LRGUK: variants seen among roughly 807,000 people sequenced by gnomAD.
LRGUK encodes the protein leucine-rich repeat and guanylate kinase domain-containing protein.
Under a neutral mutation model 76.0 loss-of-function variants are expected in LRGUK, and 65 were observed. The ratio of observed to expected loss-of-function variants is 0.85; its 90% CI spans 0.70 to 1.05. The LOEUF (loss-of-function observed/expected upper bound fraction) is 1.05, where lower values mean the gene tolerates loss of function less well. LRGUK is among the 50% of genes least tolerant of loss of function. LRGUK has a pLI of 0.00. For missense variants in LRGUK, 758 were observed against 732.8 expected, an observed-to-expected ratio of 1.03 and a Z score of -0.40; for synonymous variants, 268 against 265.6, an observed-to-expected ratio of 1.01 and a Z score of -0.09.
chr7:134,204,979 C>T (rs1298449856), intron 15 of LRGUK, among the ~76,000 whole-genome samples: 1 of 152,174 alleles, frequency 6.6e-6, no homozygotes, highest in Non-Finnish European at 1.5e-5. Flanking sequence ...GTGAGTGTTA[C>T]AGCCCTTAAA....
intron 16 of LRGUK, among the ~76,000 whole-genome samples, chr7:134,246,850 T>A (rs913910781): frequency 1.3e-5 from 2 of 152,252 alleles, no homozygotes; most frequent in African/African-American, 4.8e-5. Context: ...ACTTTATGTA[T>A]TAGGTTTGCT....
At chr7:134,250,699 A>G (rs1362797224) in intron 18 of LRGUK, among the ~76,000 whole-genome samples, 2 of 152,188 alleles carry the variant, frequency 1.3e-5, no homozygotes, top group African/African-American at 2.4e-5. Flanking sequence ...TAGCATTATA[A>G]TTAGTTAATT....
At chr7:134,216,447 T>A (rs690745) in intron 15 of LRGUK, among the ~76,000 whole-genome samples, 69,447 of 152,052 alleles carry the variant, frequency 0.46, 16,606 homozygotes, top group East Asian at 0.72. Context: ...GAGGTTCTTC[T>A]ATGGGCATTC....
At chr7:134,170,365 CT>C (rs1250193226) in intron 7 of LRGUK, among the ~76,000 whole-genome samples, 1 of 151,906 alleles carries the variant, frequency 6.6e-6, no homozygotes, top group African/African-American at 2.4e-5. Flanking sequence ...CTTTTTTCCC[CT>C]GGTTTCTTTC....
At position 134,164,155 on chromosome 7, in the gene LRGUK, A is replaced by AT. The variant is rs1332265487; in HGVS notation, c.939+618dup. Among the ~76,000 whole-genome samples, 28 of 152,334 alleles carry AT rather than the reference A, an allele frequency of 1.8e-4. No homozygotes were observed. In the East Asian group the frequency reaches 5.0e-3, roughly 27 times the overall value. On this transcript the variant is annotated intron_variant, in intron 7 of 15. Coordinates refer to ENST00000645682, the Ensembl canonical transcript of LRGUK. Reference sequence around the variant, plus strand: ...TGTAACACATTTCTTAAATAGCTAGATTTAGCCATCCTACAATGTAACATG... The same window carrying AT: ...TGTAACACATTTCTTAAATAGCTAGATTTTAGCCATCCTACAATGTAACATG...
In LRGUK at chr7:134,247,970, C is replaced by T. The variant is rs78985269; in HGVS notation, c.2072+326C>T. Among the ~76,000 whole-genome samples, 718 of 152,140 alleles carry T rather than the reference C, an allele frequency of 4.7e-3. 3 individuals are homozygous for T. The highest frequency in any genetic ancestry group is 0.016 in the African/African-American group (671 of 41,496). ...TATCCTTTCCCTTGCATGATTGTTT[C>T]GGTTCTTTTTATTGTTTGTAATTTT... is the stretch of plus-strand genomic sequence containing the variant. On this transcript the variant is annotated intron_variant, in intron 17 of 19. Coordinates refer to the LRGUK transcript ENST00000285928.
chr7:134,177,123 G>C (rs187516786), intron 9 of LRGUK, 60 bp downstream of exon 9: 4 of 984,190 alleles, frequency 4.1e-6, no homozygotes, highest in Non-Finnish European at 6.2e-6. Context: ...TCAAAAGCTC[G>C]TGTTGCCTGC....
intron 8 of LRGUK, among the ~76,000 whole-genome samples, chr7:134,176,389 A>T (rs144775673): frequency 1.3e-5 from 2 of 151,138 alleles, no homozygotes; most frequent in East Asian, 1.9e-4. Context: ...ATTAAATTAA[A>T]TTTTTTTTTC....
Position 134,247,418 on chromosome 7 carries a change from AT to A in LRGUK, c.1984-136del, listed in dbSNP as rs1256322943. ...TTTTCTTTTTCCTGAGTGAATATCA[AT>A]TGTTTTTTATGCCTTTTCCCCCTTT... On this transcript the variant is annotated intron_variant, in intron 16 of 19. Coordinates refer to the LRGUK transcript ENST00000285928. The A allele has an allele frequency of 1.5e-5, 8 of 542,604 alleles. No homozygotes were observed. The East Asian group carries it at 2.4e-4, about 16-fold the overall frequency. 33.6% of individuals were successfully genotyped at this position (542,604 alleles called of 1,614,324 possible).
At chr7:134,152,861 A>G (rs1798283063) in intron 5 of LRGUK, among the ~76,000 whole-genome samples, 1 of 152,106 alleles carries the variant, frequency 6.6e-6, no homozygotes, top group Non-Finnish European at 1.5e-5. Flanking sequence ...AAGTTATGGT[A>G]TAGTCACACA....
At chr7:134,255,412 C>T (rs1563201666) in intron 18 of LRGUK, among the ~76,000 whole-genome samples, 2 of 152,140 alleles carry the variant, frequency 1.3e-5, no homozygotes, top group Non-Finnish European at 2.9e-5. Context: ...CCAAAAGGCT[C>T]GAATCTTTGT....
intron 16 of LRGUK, among the ~76,000 whole-genome samples, chr7:134,227,210 A>G (rs1801787024): frequency 1.3e-5 from 2 of 152,106 alleles, no homozygotes; most frequent in African/African-American, 4.8e-5. Flanking sequence ...GGCTGAATTG[A>G]CACTTTGAGA....
At chr7:134,154,639 G>T (rs528211366) in intron 5 of LRGUK, among the ~76,000 whole-genome samples, 60 of 152,372 alleles carry the variant, frequency 3.9e-4, no homozygotes, top group Admixed American at 6.5e-4. Context: ...TTTCTGGAAT[G>T]AGCATATTTC....
chr7:134,147,212 C>T (rs1420302771), intron 4 of LRGUK, among the ~76,000 whole-genome samples: 1 of 151,918 alleles, frequency 6.6e-6, no homozygotes, highest in East Asian at 1.9e-4. Flanking sequence ...GTCAGGAGAT[C>T]GAGACCATCC....
chr7:134,272,351 C>G, the LRGUK span, among the ~76,000 whole-genome samples: 1 of 151,948 alleles, frequency 6.6e-6, no homozygotes, highest in Non-Finnish European at 1.5e-5. Context: ...ATGGATAGGT[C>G]AAAAAATTTC....
chr7:134,235,396 G>A (rs1312980580), intron 16 of LRGUK, among the ~76,000 whole-genome samples: 2 of 152,090 alleles, frequency 1.3e-5, no homozygotes, highest in South Asian at 2.1e-4. Context: ...TAGCCACATG[G>A]CTGACTCCCT....
At chr7:134,227,288 T>C (rs1209357028) in intron 16 of LRGUK, among the ~76,000 whole-genome samples, 1 of 152,180 alleles carries the variant, frequency 6.6e-6, no homozygotes, top group Non-Finnish European at 1.5e-5. Context: ...TAGCGAACGA[T>C]GCTTTCTTTA....
chr7:134,246,255 G>C (rs1172426303), intron 16 of LRGUK, among the ~76,000 whole-genome samples: 1 of 152,154 alleles, frequency 6.6e-6, no homozygotes, highest in Non-Finnish European at 1.5e-5. Context: ...CATTAAAGTG[G>C]TTTGTTGAGG....
chr7:134,175,597 C>A (rs1266521154), intron 8 of LRGUK, among the ~76,000 whole-genome samples: 1 of 152,204 alleles, frequency 6.6e-6, no homozygotes, highest in Non-Finnish European at 1.5e-5. Context: ...CAAAACCTCT[C>A]CCCAACATTT....
Sources: allele counts gnomAD v4.1 joint callset (sites outside exome capture counted in the v4.1 genomes callset), GRCh38; gene constraint gnomAD v4.1.1; transcripts MANE v1.5; gene names NCBI Gene and HGNC (gene_info 2026-07-23, HGNC 2026-07-21).